Variants in MACC1 observed in about 807,000 individuals in gnomAD.
MACC1 encodes the protein MET transcriptional regulator MACC1.
A neutral mutation model predicts 70.7 loss-of-function variants in MACC1; 79 were observed. The observed-to-expected ratio is 1.12, with a 90% CI of 0.93 to 1.35. The LOEUF is 1.35. Ranked by LOEUF, MACC1 falls within the 40% of genes most tolerant of loss-of-function variation. The pLI, the probability that MACC1 is intolerant of heterozygous loss-of-function variation, is 0.00. For missense variants in MACC1, 1,106 were observed against 978.1 expected (o/e 1.13, Z -1.74); for synonymous variants, 361 against 347.2 (o/e 1.04, Z -0.44).
At chr7:20,200,651 CTT>C (rs1317507189) in intron 1 of MACC1, among the ~76,000 whole-genome samples, 1 of 152,144 alleles carries the variant, frequency 6.6e-6, no homozygotes, top group Admixed American at 6.5e-5. Context: ...CACCTGATTT[CTT>C]TTTTTGCTGG....
intron 1 of MACC1, among the ~76,000 whole-genome samples, chr7:20,200,514 C>G (rs1782818789): frequency 6.6e-6 from 1 of 152,144 alleles, no homozygotes; most frequent in Non-Finnish European, 1.5e-5. Context: ...ATTTAACAGG[C>G]AAGAGTGCGT....
intron 1 of MACC1, among the ~76,000 whole-genome samples, chr7:20,201,784 C>T (rs1012086063): frequency 6.6e-6 from 1 of 151,874 alleles, no homozygotes; most frequent in Non-Finnish European, 1.5e-5. Context: ...TATAAATTAC[C>T]CTTTTGAGGT....
chr7:20,145,911 G>A (rs1781882951), intron 6 of MACC1, among the ~76,000 whole-genome samples: 1 of 152,152 alleles, frequency 6.6e-6, no homozygotes, highest in Non-Finnish European at 1.5e-5. Context: ...AGTAATCCCA[G>A]CACTTCTTTG....
At chr7:20,166,563 G>A (rs10229709) in intron 2 of MACC1, among the ~76,000 whole-genome samples, 14,048 of 152,212 alleles carry the variant, frequency 0.092, 827 homozygotes, top group Middle Eastern at 0.16. Flanking sequence ...TTCAAGTGTT[G>A]CAGCTGATGA....
chr7:20,181,473 C>T (rs1435286047), intron 1 of MACC1, among the ~76,000 whole-genome samples: 2 of 151,980 alleles, frequency 1.3e-5, no homozygotes, highest in Non-Finnish European at 2.9e-5. Flanking sequence ...GAACAAATGA[C>T]TGCTTAAGCA....
intron 6 of MACC1, among the ~76,000 whole-genome samples, chr7:20,152,234 G>A (rs999561232): frequency 6.6e-6 from 1 of 151,868 alleles, no homozygotes; most frequent in African/African-American, 2.4e-5. Context: ...GCCCTCTGAG[G>A]AAATGACATA....
chr7:20,207,127 C>G (rs761762547), intron 1 of MACC1, among the ~76,000 whole-genome samples: 1 of 151,848 alleles, frequency 6.6e-6, no homozygotes, highest in South Asian at 2.1e-4. Flanking sequence ...CAAATTCAAT[C>G]CATTGTTAAC....
At chr7:20,199,056 G>C (rs1317851251) in intron 1 of MACC1, among the ~76,000 whole-genome samples, 2 of 152,196 alleles carry the variant, frequency 1.3e-5, no homozygotes, top group African/African-American at 4.8e-5. Flanking sequence ...TAAGGAGAAT[G>C]GCAATAATAG....
chr7:20,160,322 A>C, intron 4 of MACC1, 77 bp from the exon 5 acceptor site: 1 of 1,447,192 alleles, frequency 6.9e-7, no homozygotes, highest in Non-Finnish European at 9.1e-7. Context: ...AATTTTTCCC[A>C]TAGCTTAAAA....
rs73084521 is a variant in MACC1, at chr7:20,200,613, G to A, written c.-218+16686C>T. Among the ~76,000 whole-genome samples the A allele has an allele frequency of 7.2e-5, 11 of 152,282 alleles. No homozygotes were observed. In the South Asian group the frequency reaches 8.3e-4, roughly 11 times the overall value. On this transcript the variant is annotated intron_variant, in intron 1 of 6. Coordinates refer to ENST00000400331, the MANE Select transcript of MACC1 (RefSeq NM_182762.4). Reference sequence around the variant, plus strand: ...AGAGTGATGTAATTACCTAAGAAGGGGGATGAAGTAATGCACTCAACCATC... The same window carrying A: ...AGAGTGATGTAATTACCTAAGAAGGAGGATGAAGTAATGCACTCAACCATC...
intron 1 of MACC1, among the ~76,000 whole-genome samples, chr7:20,190,389 T>C (rs1330649599): frequency 1.3e-5 from 2 of 152,236 alleles, no homozygotes; most frequent in East Asian, 1.9e-4. Flanking sequence ...TTTTTTAGCA[T>C]TTGTATGATA....
chr7:20,216,321 T>A (rs1055411358), intron 1 of MACC1, among the ~76,000 whole-genome samples: 6 of 152,168 alleles, frequency 3.9e-5, no homozygotes, highest in Non-Finnish European at 7.4e-5. Context: ...ATAAATTTTT[T>A]AAAATCTATC....
At chr7:20,144,325 A>G (rs549288018) in intron 6 of MACC1, among the ~76,000 whole-genome samples, 5 of 152,352 alleles carry the variant, frequency 3.3e-5, no homozygotes, top group African/African-American at 2.4e-5. Context: ...TGATAATTAC[A>G]GAAAAACTCA....
intron 1 of MACC1, among the ~76,000 whole-genome samples, chr7:20,200,523 G>C (rs1015126393): frequency 6.6e-6 from 1 of 152,198 alleles, no homozygotes; most frequent in Non-Finnish European, 1.5e-5. Flanking sequence ...GCAAGAGTGC[G>C]TAGGTTAATT....
chr7:20,172,829 C>G (rs1022157839), intron 1 of MACC1, among the ~76,000 whole-genome samples: 5 of 152,206 alleles, frequency 3.3e-5, no homozygotes, highest in African/African-American at 4.8e-5. Context: ...AGGTCAGGAG[C>G]CTATCTCCTT....
intron 2 of MACC1, among the ~76,000 whole-genome samples, chr7:20,169,237 A>T (rs1038941862): frequency 6.6e-6 from 1 of 152,230 alleles, no homozygotes; most frequent in African/African-American, 2.4e-5. Flanking sequence ...AGATGTTTCA[A>T]GCAAACTCTG....
chr7:20,148,813 C>T (rs1441246858), intron 6 of MACC1, among the ~76,000 whole-genome samples: 1 of 152,124 alleles, frequency 6.6e-6, no homozygotes, highest in Non-Finnish European at 1.5e-5. Flanking sequence ...ATCACTGTGC[C>T]AAATCTCTAG....
Position 20,158,857 on chromosome 7 carries a change from T to G in MACC1, c.1504A>C (p.Ile502Leu), listed in dbSNP as rs753221095. 3 of 1,614,116 alleles carry G rather than the reference T, an allele frequency of 1.9e-6. No homozygotes were observed. Among genetic ancestry groups the G allele is most frequent in the Non-Finnish European group, 2.5e-6 (3 of 1,180,016 alleles). Residue 502 changes from isoleucine to leucine, a missense_variant, in exon 5 of 7, where the codon ATC (isoleucine) becomes CTC (leucine). Transcript: ENST00000400331. ...PNGEPVAQFS[I>L]TTPDPTPNLK... is the part of the protein sequence containing the mutation. ...TTTGGGGTTGGATCAGGAGTAGTGA[T>G]AGAGAACTGTGCAACTGGTTCACCA...
In MACC1 at chr7:20,168,262, TAA is replaced by T. The variant is rs35356766; in HGVS notation, c.-153+2450_-153+2451del. On this transcript the variant is annotated intron_variant, in intron 2 of 6. Coordinates refer to ENST00000400331, the MANE Select transcript of MACC1 (RefSeq NM_182762.4). ...CAAGTAAGTGTATATTATTCTTCAGTAAAAAAAAAAAAATTTAAAAACAAAAT... is the reference window on the plus strand; with the variant it reads ...CAAGTAAGTGTATATTATTCTTCAGTAAAAAAAAAAATTTAAAAACAAAAT... 5.5e-4 allele frequency among the ~76,000 whole-genome samples: 82 copies of T among 149,102 alleles called. 1 individual carries two copies. Among genetic ancestry groups the T allele is most frequent in the Middle Eastern group, 3.5e-3 (1 of 288 alleles).
Sources: allele counts gnomAD v4.1 joint callset (sites outside exome capture counted in the v4.1 genomes callset), GRCh38; gene constraint gnomAD v4.1.1; transcripts MANE v1.5; gene names NCBI Gene and HGNC (gene_info 2026-07-23, HGNC 2026-07-21).